NF1: variants seen among roughly 807,000 people sequenced by gnomAD.
NF1 encodes the protein neurofibromin 1.
NF1 carries 122 observed loss-of-function variants against 325.7 expected under a neutral mutation model. That is an observed-to-expected ratio of 0.37 (90% CI 0.32 to 0.44). The LOEUF (loss-of-function observed/expected upper bound fraction) is 0.44, where lower values mean the gene tolerates loss of function less well. Ranked by LOEUF, NF1 falls within the 20% of genes least tolerant of loss-of-function variation. The pLI is 1.00. For missense variants in NF1, 2,140 were observed against 3,415.4 expected, an observed-to-expected ratio of 0.63 and a Z score of 9.31; for synonymous variants, 1,091 against 1,186.0, an observed-to-expected ratio of 0.92 and a Z score of 1.65.
At chr17:31,345,348 A>AG (rs2069944687) in intron 48 of NF1, among the ~76,000 whole-genome samples, 1 of 152,152 alleles carries the variant, frequency 6.6e-6, no homozygotes, top group South Asian at 2.1e-4. Context: ...CGCTGGGCTG[A>AG]GGGGAGGGGT....
intron 1 of NF1, chr17:31,137,063 A>G (rs1053266485): frequency 1.3e-5 from 2 of 152,186 alleles, no homozygotes; most frequent in African/African-American, 4.8e-5. Context: ...AATTCAGTTG[A>G]CATAATTGCC....
At position 31,377,655 on chromosome 17, in the gene NF1, T is replaced by C. The variant is rs1200855145; in HGVS notation, c.*3500T>C. The C allele has an allele frequency of 4.4e-6, 1 of 228,708 alleles. No individual in the cohort carries two copies. Among genetic ancestry groups the C allele is most frequent in the Non-Finnish European group, 8.7e-6 (1 of 115,256 alleles). 14.2% of individuals were successfully genotyped at this position (228,708 alleles called of 1,614,324 possible). On this transcript the variant is annotated 3_prime_UTR_variant, in exon 58 of 58. Coordinates refer to ENST00000358273, the MANE Select transcript of NF1 (RefSeq NM_001042492.3). ...CCCACCCCCCTTTTTTTAAGTAAAA[T>C]GTAAATTCAATCTGCTCTAAGATAT... is the stretch of plus-strand genomic sequence containing the variant.
At chr17:31,280,391 C>T (rs941519869) in intron 36 of NF1, among the ~76,000 whole-genome samples, 4 of 151,108 alleles carry the variant, frequency 2.6e-5, no homozygotes, top group African/African-American at 7.3e-5. Context: ...TGGGTATGTG[C>T]CTGTAATCCC....
At chr17:31,219,844 T>C (rs920463727) in intron 14 of NF1, among the ~76,000 whole-genome samples, 1 of 152,214 alleles carries the variant, frequency 6.6e-6, no homozygotes, top group African/African-American at 2.4e-5. Flanking sequence ...TCTGGCTACC[T>C]TGACTTAATG....
intron 1 of NF1, among the ~76,000 whole-genome samples, chr17:31,147,289 G>A (rs1916646026): frequency 6.6e-6 from 1 of 152,134 alleles, no homozygotes; most frequent in Non-Finnish European, 1.5e-5. Flanking sequence ...GTTGAATTTA[G>A]CATGGTTTTG....
Position 31,203,537 on chromosome 17 carries a change from T to A in NF1, c.1260+2052T>A, listed in dbSNP as rs188515083. On this transcript the variant is annotated intron_variant, in intron 11 of 57. Coordinates refer to ENST00000358273, the MANE Select transcript of NF1 (RefSeq NM_001042492.3). ...TATTGAATCTGAAGTACTCTTTTGG[T>A]TGAAAAGGACTATTTATAAAGTGAA... is the stretch of plus-strand genomic sequence containing the variant. Among the ~76,000 whole-genome samples the A allele has an allele frequency of 5.4e-4, 82 of 152,276 alleles. 1 individual carries two copies. The East Asian group carries it at 0.013, about 24-fold the overall frequency.
chr17:31,173,484 T>A (rs2065967076), intron 5 of NF1, among the ~76,000 whole-genome samples: 3 of 151,760 alleles, frequency 2.0e-5, no homozygotes, highest in African/African-American at 7.3e-5. Context: ...TAATCCCAGC[T>A]ACTCGGGTGG....
At chr17:31,181,575 T>C (rs1474899287) in intron 6 of NF1, 86 bp downstream of exon 6, 2 of 1,382,532 alleles carry the variant, frequency 1.4e-6, no homozygotes, top group Admixed American at 3.4e-5. Context: ...AAGTTATGAC[T>C]TGAGTGATAG....
intron 57 of NF1, among the ~76,000 whole-genome samples, chr17:31,362,713 T>A (rs1436873979): frequency 6.6e-6 from 1 of 152,260 alleles, no homozygotes; most frequent in Admixed American, 6.5e-5. Flanking sequence ...CCTTTTGGGC[T>A]ACTAAACTGG....
At chr17:31,231,042 T>C in intron 24 of NF1, 117 bp downstream of exon 24, 1 of 797,802 alleles carries the variant, frequency 1.3e-6, no homozygotes, top group East Asian at 2.7e-5. Context: ...TGTCAAACTT[T>C]TGTGTTTGAA....
intron 4 of NF1, among the ~76,000 whole-genome samples, chr17:31,168,915 A>G (rs1043775626): frequency 2.6e-5 from 4 of 152,118 alleles, no homozygotes; most frequent in African/African-American, 7.2e-5. Flanking sequence ...TGTGACTTCT[A>G]TGAAAGATTT....
rs71142032 is a variant in NF1 at position 31,181,801 on chromosome 17, A to ATTTTTTTTTTTTTTTTTTTTTTT, written c.730+32_730+33insTTTTTTTTTTTTTTTTTTTTTTT. On this transcript the variant is annotated intron_variant, in intron 7 of 57. Transcript: ENST00000358273. The stretch of plus-strand genomic sequence containing the variant: ...GATATGGCTGGTAAGGATACGATTG[A>ATTTTTTTTTTTTTTTTTTTTTTT]TTTTTTTTTTTTTTTTGTCTTTTAA... 11 of 1,218,958 alleles carry ATTTTTTTTTTTTTTTTTTTTTTT rather than the reference A, an allele frequency of 9.0e-6. No individual in the cohort carries two copies. The highest frequency in any genetic ancestry group is 2.4e-5 in the East Asian group (1 of 41,202). The allele number at this position is 1,218,958 out of a possible 1,614,324, so 75.5% of individuals were successfully genotyped here.
chr17:31,143,690 TTG>T (rs1163963670), intron 1 of NF1, among the ~76,000 whole-genome samples: 1 of 152,220 alleles, frequency 6.6e-6, no homozygotes, highest in Non-Finnish European at 1.5e-5. Context: ...TATATTAAAT[TTG>T]TGTGTGAATA....
chr17:31,145,296 A>G (rs1916510707), intron 1 of NF1, among the ~76,000 whole-genome samples: 1 of 152,100 alleles, frequency 6.6e-6, no homozygotes, highest in Non-Finnish European at 1.5e-5. Context: ...GGGTTCAAGC[A>G]ATTCTCCCAC....
chr17:31,159,750 C>T (rs191146086), intron 3 of NF1, among the ~76,000 whole-genome samples: 1 of 152,280 alleles, frequency 6.6e-6, no homozygotes, highest in East Asian at 1.9e-4. Context: ...CTTCCTGGAA[C>T]ATGGTAAGAG....
intron 51 of NF1, chr17:31,356,234 G>A (rs4795598): frequency 2.2e-6 from 1 of 457,984 alleles, no homozygotes; most frequent in African/African-American, 2.0e-5. Context: ...AGTTTAATTT[G>A]CACCAGTAAG....
chr17:31,159,243 T>C lies in NF1; in HGVS notation c.288+150T>C, dbSNP rs17883945. ...ATGAGTTTTGTTAATATAGCTGACC[T>C]GGTGACAGACAATTTTTCATGAGAA... On this transcript the variant is annotated intron_variant, in intron 3 of 57. Coordinates refer to ENST00000358273, the MANE Select transcript of NF1 (RefSeq NM_001042492.3). 1.2e-4 allele frequency: 75 copies of C among 614,972 alleles called. No homozygotes were observed. In the East Asian group the frequency reaches 2.0e-3, roughly 17 times the overall value. 38.1% of individuals were successfully genotyped at this position (614,972 alleles called of 1,614,324 possible).
At chr17:31,357,573 A>G in intron 54 of NF1, 1 of 596,644 alleles carries the variant, frequency 1.7e-6, no homozygotes. Context: ...AGACTTTTAA[A>G]AAATCTGGTT....
chr17:31,243,240 C>T (rs903848713), intron 29 of NF1, among the ~76,000 whole-genome samples: 2 of 122,210 alleles, frequency 1.6e-5, no homozygotes, highest in East Asian at 2.3e-4. Context: ...GGGGGAGGGG[C>T]GACACAAGCA....
Sources: gnomAD v4.1 joint callset for allele counts (sites outside exome capture counted in the v4.1 genomes callset) on GRCh38, gnomAD v4.1.1 for gene constraint, MANE v1.5 for transcripts, NCBI Gene and HGNC (gene_info 2026-07-23, HGNC 2026-07-21) for gene names.